ANK3: variants seen among roughly 807,000 people sequenced by gnomAD.
The protein encoded by ANK3 is ankyrin-3.
In ANK3, 57 loss-of-function variants were observed where a neutral mutation model predicts 370.9. The ratio of observed to expected loss-of-function variants is 0.15; its 90% CI spans 0.12 to 0.19. The LOEUF (loss-of-function observed/expected upper bound fraction) is 0.19. ANK3 is among the 10% of genes least tolerant of loss of function. The pLI, the probability that ANK3 is intolerant of heterozygous loss-of-function variation, is 1.00. For synonymous variants in ANK3, 1,929 were observed against 1,946.3 expected (o/e 0.99, Z 0.23); for missense variants, 4,439 against 5,302.1 (o/e 0.84, Z 5.06).
chr10:60,393,628 G>A (rs1247966396), upstream of ANK3, among the ~76,000 whole-genome samples: 1 of 152,128 alleles, frequency 6.6e-6, no homozygotes, highest in Non-Finnish European at 1.5e-5. Flanking sequence ...TCACAGCCAA[G>A]TATTTCTCCC....
chr10:60,215,095 C>A (rs1164480570), intron 8 of ANK3, among the ~76,000 whole-genome samples: 2 of 152,266 alleles, frequency 1.3e-5, no homozygotes, highest in East Asian at 3.9e-4. Flanking sequence ...TTTTGATTTG[C>A]ATTTCTCTGA....
chr10:60,172,278 G>C (rs775883523), intron 21 of ANK3, 30 bp downstream of exon 21: 4 of 1,572,632 alleles, frequency 2.5e-6, no homozygotes, highest in Non-Finnish European at 3.5e-6. Context: ...CTGGCTCCTA[G>C]GGTAACAAGG....
intron 2 of ANK3, among the ~76,000 whole-genome samples, chr10:60,430,899 A>G (rs996226120): frequency 1.3e-5 from 2 of 152,150 alleles, no homozygotes; most frequent in Non-Finnish European, 2.9e-5. Flanking sequence ...TAGCCTCTTC[A>G]TCTATAACAC....
At chr10:60,602,790 ATCATG>A in intron 2 of ANK3, among the ~76,000 whole-genome samples, 1 of 152,196 alleles carries the variant, frequency 6.6e-6, no homozygotes, top group African/African-American at 2.4e-5. Flanking sequence ...GACCTAAATC[ATCATG>A]ATATCAAAAA....
chr10:60,619,016 T>G (rs549300993), intron 1 of ANK3, among the ~76,000 whole-genome samples: 82 of 152,176 alleles, frequency 5.4e-4, no homozygotes, highest in African/African-American at 1.9e-3. Context: ...GTTCCTAGAA[T>G]AAAATTACCC....
At chr10:60,308,782 A>G (rs1434341254) in intron 1 of ANK3, among the ~76,000 whole-genome samples, 1 of 152,106 alleles carries the variant, frequency 6.6e-6, no homozygotes, top group Non-Finnish European at 1.5e-5. Flanking sequence ...GGTTGCTTTT[A>G]CTAATATGAC....
chr10:60,704,302 G>A (rs1333039866), intron 1 of ANK3, among the ~76,000 whole-genome samples: 1 of 152,102 alleles, frequency 6.6e-6, no homozygotes, highest in Non-Finnish European at 1.5e-5. Flanking sequence ...ATCCATATCA[G>A]TTTTATTTCT....
chr10:60,354,474 T>TA (rs1490489178), intron 1 of ANK3, among the ~76,000 whole-genome samples: 2 of 152,262 alleles, frequency 1.3e-5, no homozygotes, highest in Non-Finnish European at 2.9e-5. Flanking sequence ...AGACAGATAC[T>TA]ATCTTCAAAC....
intron 1 of ANK3, among the ~76,000 whole-genome samples, chr10:60,328,958 G>A (rs182656398): frequency 6.3e-4 from 96 of 152,190 alleles, no homozygotes; most frequent in African/African-American, 2.1e-3. Flanking sequence ...CTTCATCCCT[G>A]GGATGCAAGG....
At chr10:60,138,469 A>G (rs545849210) in intron 24 of ANK3, 11 of 389,996 alleles carry the variant, frequency 2.8e-5, no homozygotes, top group Non-Finnish European at 5.0e-5. Context: ...GAACAGTTTT[A>G]GAAGAGATAC....
At chr10:60,521,827 T>C (rs573106274) in intron 2 of ANK3, among the ~76,000 whole-genome samples, 8 of 152,240 alleles carry the variant, frequency 5.3e-5, no homozygotes, top group Admixed American at 2.0e-4. Flanking sequence ...AATCTCCCAT[T>C]TTCTAAATCA....
rs562951799 is a variant in ANK3, at chr10:60,245,011, T to C, written c.799-10225A>G. The stretch of plus-strand genomic sequence containing the variant: ...GGTGAAACCCCGTCTCTACTAAAAA[T>C]ACAAAAAATTAGCCGGGCGTGGTAG... On this transcript the variant is annotated intron_variant, in intron 7 of 43. Transcript: ENST00000280772. Among the ~76,000 whole-genome samples, 372 of 152,126 alleles carry C rather than the reference T, an allele frequency of 2.4e-3. 3 individuals carry two copies. Among genetic ancestry groups the C allele is most frequent in the African/African-American group, 8.6e-3 (358 of 41,526 alleles).
chr10:60,286,117 A>T (rs2098241347), intron 1 of ANK3, among the ~76,000 whole-genome samples: 1 of 152,172 alleles, frequency 6.6e-6, no homozygotes, highest in African/African-American at 2.4e-5. Context: ...ATAAACACCC[A>T]CATACCCTCT....
rs527863156 is a variant in ANK3, at chr10:60,338,406, G to A, written c.114+51019C>T. On this transcript the variant is annotated intron_variant, in intron 1 of 43. Coordinates refer to ENST00000280772, the MANE Select transcript of ANK3 (RefSeq NM_020987.5). ...TACACCTGGACTGGAGCTCAAGAATGTGCATTTATAACAAGTTCCCAGGTG... is the reference window on the plus strand; with the variant it reads ...TACACCTGGACTGGAGCTCAAGAATATGCATTTATAACAAGTTCCCAGGTG... Among the ~76,000 whole-genome samples the A allele has an allele frequency of 3.3e-5, 5 of 152,260 alleles. No homozygotes were observed. In the South Asian group the frequency reaches 1.0e-3, roughly 32 times the overall value.
intron 7 of ANK3, among the ~76,000 whole-genome samples, chr10:60,258,707 G>C (rs2097768029): frequency 6.6e-6 from 1 of 152,168 alleles, no homozygotes; most frequent in South Asian, 2.1e-4. Context: ...TTTGCTAGCA[G>C]GTGGTCACTC....
At chr10:60,414,335 C>T (rs897048504) in intron 2 of ANK3, among the ~76,000 whole-genome samples, 1 of 152,176 alleles carries the variant, frequency 6.6e-6, no homozygotes, top group Admixed American at 6.5e-5. Context: ...CCATTCAATA[C>T]ACTCCCATAT....
chr10:60,590,684 G>A (rs1231825098), intron 2 of ANK3, among the ~76,000 whole-genome samples: 1 of 152,152 alleles, frequency 6.6e-6, no homozygotes, highest in Non-Finnish European at 1.5e-5. Flanking sequence ...TGGACATTGG[G>A]AAATCTGCAG....
intron 1 of ANK3, among the ~76,000 whole-genome samples, chr10:60,690,304 G>A (rs1042988417): frequency 2.0e-5 from 3 of 152,266 alleles, no homozygotes; most frequent in African/African-American, 4.8e-5. Context: ...GGAAGCACAA[G>A]GGGTCAGGGG....
chr10:60,213,921 T>C (rs905470260), intron 8 of ANK3, among the ~76,000 whole-genome samples: 1 of 152,194 alleles, frequency 6.6e-6, no homozygotes, highest in Admixed American at 6.5e-5. Flanking sequence ...TATCTTAATG[T>C]AATTTTATGC....
Sources: gnomAD v4.1 joint callset for allele counts (sites outside exome capture counted in the v4.1 genomes callset) on GRCh38, gnomAD v4.1.1 for gene constraint, MANE v1.5 for transcripts, NCBI Gene and HGNC (gene_info 2026-07-23, HGNC 2026-07-21) for gene names.